The following HFM1 variants were observed in gnomAD, a reference collection of about 807,000 sequenced individuals.
The protein encoded by HFM1 is helicase for meiosis 1.
HFM1 carries 169 observed loss-of-function variants against 192.1 expected under a neutral mutation model. The observed-to-expected ratio is 0.88, with a 90% CI of 0.78 to 1.00. The LOEUF (loss-of-function observed/expected upper bound fraction) is 1.00. HFM1 is among the 50% of genes least tolerant of loss of function. HFM1 has a pLI of 0.00. For missense variants in HFM1, 1,661 were observed against 1,668.0 expected, an observed-to-expected ratio of 1.00 and a Z score of 0.07; for synonymous variants, 525 against 537.8, an observed-to-expected ratio of 0.98 and a Z score of 0.33.
chr1:91,347,495 TA>T lies in HFM1; in HGVS notation c.2207-20del. 6.4e-7 allele frequency: 1 copy of T among 1,562,104 alleles called. No homozygotes were observed. Reference sequence around the variant, plus strand: ...GCAAAACCTGCATGTCATGAAAAAGTAAAATAGAATTTAGCTCATCTTTACA... The same window carrying T: ...GCAAAACCTGCATGTCATGAAAAAGTAAATAGAATTTAGCTCATCTTTACA... On this transcript the variant is annotated intron_variant, in intron 18 of 38. Transcript: ENST00000370425.
intron 23 of HFM1, among the ~76,000 whole-genome samples, chr1:91,322,445 CT>C (rs1415042763): frequency 6.6e-6 from 1 of 152,156 alleles, no homozygotes; most frequent in Non-Finnish European, 1.5e-5. Flanking sequence ...TGACTGCAAA[CT>C]GCTAAAAGTC....
chr1:91,328,936 C>A (rs953852363), intron 20 of HFM1: 1 of 1,611,762 alleles, frequency 6.2e-7, no homozygotes. Context: ...GCTTCACCTT[C>A]GGCAGCCCTG....
At chr1:91,268,990 C>T (rs769176273) in intron 34 of HFM1, among the ~76,000 whole-genome samples, 1 of 152,194 alleles carries the variant, frequency 6.6e-6, no homozygotes, top group East Asian at 1.9e-4. Context: ...AATATTCTCT[C>T]AATTTTTTGT....
intron 23 of HFM1, among the ~76,000 whole-genome samples, chr1:91,319,629 C>T (rs1185860715): frequency 2.0e-5 from 3 of 152,090 alleles, no homozygotes; most frequent in African/African-American, 7.2e-5. Context: ...TTTATTCACT[C>T]AATCTCTCTC....
At position 91,385,606 on chromosome 1, in the gene HFM1, A is replaced by C. The variant is rs751440788; in HGVS notation, c.723T>G (p.Phe241Leu). ...TATCATGAGGTTGGAAAGCAACTGAAAAAGATGGTGCTTTGAACATGCCTT... is the reference window on the plus strand; with the variant it reads ...TATCATGAGGTTGGAAAGCAACTGACAAAGATGGTGCTTTGAACATGCCTT... ...IGEGMFKAPS[F>L]SVAFQPHDIQ... Residue 241 changes from phenylalanine to leucine, a missense_variant, in exon 5 of 39, where the codon TTT becomes TTG. Coordinates refer to ENST00000370425, the MANE Select transcript of HFM1 (RefSeq NM_001017975.6). 3.1e-6 allele frequency: 5 copies of C among 1,612,892 alleles called. No individual in the cohort carries two copies. The South Asian group carries it at 5.5e-5, about 18-fold the overall frequency.
chr1:91,375,310 T>G, intron 13 of HFM1, 48 bp downstream of exon 13: 4 of 1,341,646 alleles, frequency 3.0e-6, no homozygotes, highest in Non-Finnish European at 3.2e-6. Context: ...GTCATCTAGA[T>G]GAGCCCTAAA....
rs1299275876 is a variant in HFM1, at chr1:91,262,372, T to C, written c.4107A>G (p.Lys1369=). Residue 1369 remains lysine, a synonymous_variant, in exon 38 of 39, where the codon AAA becomes AAG. Transcript: ENST00000370425. The stretch of plus-strand genomic sequence containing the variant: ...CAATCTCTGGTGACAGATTTTGTGG[T>C]TTTCTTTCTTGAAAATGGACCTACA... The part of the protein sequence containing the change: ...NAVIVHFQER[K]PQNLSPEIEK... 5.7e-6 allele frequency: 9 copies of C among 1,576,020 alleles called. No individual in the cohort carries two copies. The highest frequency in any genetic ancestry group is 7.8e-6 in the Non-Finnish European group (9 of 1,161,182).
Position 91,307,944 on chromosome 1 carries a change from TTC to T in HFM1, c.3391+5403_3391+5404del, listed in dbSNP as rs1406568473. Among the ~76,000 whole-genome samples, 3 of 152,330 alleles carry T rather than the reference TTC, an allele frequency of 2.0e-5. No homozygotes were observed. The East Asian group carries it at 5.8e-4, about 29-fold the overall frequency. On this transcript the variant is annotated intron_variant, in intron 30 of 38. Coordinates refer to ENST00000370425, the MANE Select transcript of HFM1 (RefSeq NM_001017975.6). ...ATTTTGAATATGACATTCCATTGTC[TTC>T]TGTTTTCCATCATTATTGTTGAGAA...
chr1:91,391,611 T>A (rs1415880623), intron 4 of HFM1, among the ~76,000 whole-genome samples: 1 of 152,154 alleles, frequency 6.6e-6, no homozygotes, highest in Non-Finnish European at 1.5e-5. Context: ...TCAAGATGGA[T>A]TAAAGACTTA....
rs151011488 is a variant in HFM1, at chr1:91,392,194, C to T, written c.494+1899G>A. 1.4e-3 allele frequency among the ~76,000 whole-genome samples: 218 copies of T among 152,022 alleles called. 3 individuals are homozygous for T. The East Asian group carries it at 0.023, about 16-fold the overall frequency. On this transcript the variant is annotated intron_variant, in intron 4 of 38. Transcript: ENST00000370425. ...CATTGTGGAAGACAATATGGCAATT[C>T]CTCAAGGATCTAGAACTAGAAATAC...
At chr1:91,316,302 T>G (rs1651211773) in intron 26 of HFM1, 89 bp downstream of exon 26, 2 of 1,016,224 alleles carry the variant, frequency 2.0e-6, no homozygotes, top group Admixed American at 2.4e-5. Flanking sequence ...TTGAAATACT[T>G]ATAACTATGA....
At chr1:91,403,749 G>A (rs1664552571) in intron 1 of HFM1, among the ~76,000 whole-genome samples, 1 of 151,964 alleles carries the variant, frequency 6.6e-6, no homozygotes, top group Non-Finnish European at 1.5e-5. Flanking sequence ...TACATAATTT[G>A]CGGTGCCGAC....
chr1:91,306,113 T>G (rs761618515), intron 30 of HFM1, among the ~76,000 whole-genome samples: 4 of 152,022 alleles, frequency 2.6e-5, no homozygotes, highest in Non-Finnish European at 1.5e-5. Context: ...GCAGGCAGAT[T>G]ACCTGAGGTT....
intron 33 of HFM1, among the ~76,000 whole-genome samples, chr1:91,274,137 AG>A (rs1386767287): frequency 2.0e-5 from 3 of 152,026 alleles, no homozygotes; most frequent in Non-Finnish European, 4.4e-5. Context: ...CTTATCTAGC[AG>A]GGAAATTACA....
At chr1:91,367,510 C>G (rs1392990319) in intron 13 of HFM1, among the ~76,000 whole-genome samples, 3 of 152,170 alleles carry the variant, frequency 2.0e-5, no homozygotes, top group Non-Finnish European at 2.9e-5. Context: ...GAGTGGACCT[C>G]CAGTAAACTC....
At chr1:91,320,832 C>T (rs151112602) in intron 23 of HFM1, among the ~76,000 whole-genome samples, 1 of 152,278 alleles carries the variant, frequency 6.6e-6, no homozygotes, top group East Asian at 1.9e-4. Context: ...GGTGGCAGCT[C>T]TACCACCTCA....
intron 30 of HFM1, among the ~76,000 whole-genome samples, chr1:91,286,843 C>T (rs1369275396): frequency 6.6e-6 from 1 of 152,200 alleles, no homozygotes; most frequent in Non-Finnish European, 1.5e-5. Flanking sequence ...CGTTGCCTCA[C>T]TCGGGAAGCG....
At chr1:91,337,715 G>A (rs990881553) in intron 20 of HFM1, among the ~76,000 whole-genome samples, 1 of 152,164 alleles carries the variant, frequency 6.6e-6, no homozygotes, top group Non-Finnish European at 1.5e-5. Flanking sequence ...TGGAACACCA[G>A]AAAAGCCAAG....
In HFM1 at chr1:91,273,693, A is replaced by C. The variant is rs555754525; in HGVS notation, c.3772+19T>G. ...AATAAGCCATTTACTCTCTCAAGTAAGTATCAATGGTAATTTACCTTTGTC... is the reference window on the plus strand; with the variant it reads ...AATAAGCCATTTACTCTCTCAAGTACGTATCAATGGTAATTTACCTTTGTC... On this transcript the variant is annotated intron_variant, in intron 34 of 38. Transcript: ENST00000370425. The C allele has an allele frequency of 1.5e-4, 188 of 1,221,548 alleles. No homozygotes were observed. Among genetic ancestry groups the C allele is most frequent in the Non-Finnish European group, 2.1e-4 (173 of 829,122 alleles). 75.7% of individuals were successfully genotyped at this position (1,221,548 alleles called of 1,614,324 possible).
Sources: gnomAD v4.1 joint callset for allele counts (sites outside exome capture counted in the v4.1 genomes callset) on GRCh38, gnomAD v4.1.1 for gene constraint, MANE v1.5 for transcripts, NCBI Gene and HGNC (gene_info 2026-07-23, HGNC 2026-07-21) for gene names.